PHACTR3: variants seen among roughly 807,000 people sequenced by gnomAD.
The protein encoded by PHACTR3 is protein phosphatase 1, regulatory subunit 123.
In PHACTR3, 16 loss-of-function variants were observed where a neutral mutation model predicts 66.8. That is an observed-to-expected ratio of 0.24 (90% CI 0.16 to 0.36). PHACTR3 has a LOEUF of 0.36. PHACTR3 is among the 10% of genes least tolerant of loss of function. The pLI is 1.00. For synonymous variants in PHACTR3, 323 were observed against 292.1 expected (o/e 1.11, Z -1.08); for missense variants, 647 against 719.9 (o/e 0.90, Z 1.16).
At chr20:59,628,593 G>T (rs1301256861) in intron 1 of PHACTR3, 1 of 984,888 alleles carries the variant, frequency 1.0e-6, no homozygotes, top group Admixed American at 6.2e-5. Flanking sequence ...CCCGAGTTCT[G>T]TTTGACAAAA....
intron 1 of PHACTR3, among the ~76,000 whole-genome samples, chr20:59,645,093 C>T (rs1276365332): frequency 2.6e-5 from 4 of 152,102 alleles, no homozygotes; most frequent in Admixed American, 6.6e-5. Context: ...ATTTAGCTCC[C>T]ACTCATGAGT....
chr20:59,711,541 T>C (rs2037914755), intron 1 of PHACTR3, among the ~76,000 whole-genome samples: 1 of 152,194 alleles, frequency 6.6e-6, no homozygotes, highest in East Asian at 1.9e-4. Flanking sequence ...TCATCTTAAG[T>C]TGACAATATC....
chr20:59,682,262 C>T (rs1372730914), intron 1 of PHACTR3, among the ~76,000 whole-genome samples: 1 of 152,202 alleles, frequency 6.6e-6, no homozygotes, highest in Non-Finnish European at 1.5e-5. Context: ...ATCGCTCCAA[C>T]CCAGGAGGCA....
At chr20:59,590,371 A>C (rs1473887541) in intron 1 of PHACTR3, among the ~76,000 whole-genome samples, 1 of 152,148 alleles carries the variant, frequency 6.6e-6, no homozygotes, top group African/African-American at 2.4e-5. Flanking sequence ...AGATGACAAG[A>C]ACTGGATGAG....
chr20:59,802,661 G>A (rs765382744), intron 7 of PHACTR3, among the ~76,000 whole-genome samples: 8 of 152,128 alleles, frequency 5.3e-5, no homozygotes, highest in South Asian at 2.1e-4. Flanking sequence ...AGCTGAGAGC[G>A]GTGCCACTTA....
intron 1 of PHACTR3, among the ~76,000 whole-genome samples, chr20:59,735,003 A>G (rs1026150107): frequency 1.3e-5 from 2 of 152,030 alleles, no homozygotes; most frequent in African/African-American, 4.8e-5. Context: ...CTCAGTGGTC[A>G]CTGAGTCCCC....
chr20:59,836,362 A>G (rs1325596735), intron 8 of PHACTR3, 143 bp from the exon 9 acceptor site: 4 of 662,832 alleles, frequency 6.0e-6, no homozygotes, highest in African/African-American at 1.9e-5. Context: ...AAGAGGCAAC[A>G]ACCAAAGGTT....
At chr20:59,696,600 G>A (rs550625469) in intron 1 of PHACTR3, among the ~76,000 whole-genome samples, 21 of 152,286 alleles carry the variant, frequency 1.4e-4, no homozygotes, top group African/African-American at 2.2e-4. Flanking sequence ...AACATGGGCC[G>A]TTTGTATTCC....
intron 7 of PHACTR3, among the ~76,000 whole-genome samples, chr20:59,786,033 A>G (rs995127701): frequency 1.3e-5 from 2 of 152,244 alleles, no homozygotes; most frequent in African/African-American, 4.8e-5. Flanking sequence ...GTTTGGATTC[A>G]GAGGTCAGAA....
chr20:59,769,625 G>T (rs539150702), intron 5 of PHACTR3, among the ~76,000 whole-genome samples: 2 of 152,234 alleles, frequency 1.3e-5, no homozygotes, highest in Admixed American at 1.3e-4. Flanking sequence ...CTAACCACCT[G>T]CCCCCCAGAC....
upstream of PHACTR3, among the ~76,000 whole-genome samples, chr20:59,600,038 G>A (rs2033428667): frequency 6.6e-6 from 1 of 152,186 alleles, no homozygotes; most frequent in South Asian, 2.1e-4. Flanking sequence ...CATGGTCTGG[G>A]TCATCCCCTC....
chr20:59,714,777 A>C (rs73303182), intron 1 of PHACTR3, among the ~76,000 whole-genome samples: 14,749 of 152,280 alleles, frequency 0.097, 2,244 homozygotes, highest in African/African-American at 0.32. Flanking sequence ...GGAACAAATA[A>C]AATCTTTAAA....
At chr20:59,589,452 C>T (rs780204551) in intron 1 of PHACTR3, among the ~76,000 whole-genome samples, 15 of 152,180 alleles carry the variant, frequency 9.9e-5, no homozygotes, top group Non-Finnish European at 1.8e-4. Flanking sequence ...ATCATTGCTA[C>T]GGCTGCAGAA....
intron 8 of PHACTR3, among the ~76,000 whole-genome samples, chr20:59,821,382 T>C (rs2042024856): frequency 6.6e-6 from 1 of 152,158 alleles, no homozygotes; most frequent in Non-Finnish European, 1.5e-5. Flanking sequence ...TGATCCTCCA[T>C]GGTCCAGGGT....
chr20:59,619,145 C>T (rs530750365), intron 1 of PHACTR3, among the ~76,000 whole-genome samples: 1 of 152,284 alleles, frequency 6.6e-6, no homozygotes, highest in Non-Finnish European at 1.5e-5. Context: ...GTATAGCCCC[C>T]TCCCCTGAGT....
chr20:59,654,241 T>G (rs964836271), intron 1 of PHACTR3, among the ~76,000 whole-genome samples: 4 of 152,230 alleles, frequency 2.6e-5, no homozygotes, highest in Non-Finnish European at 2.9e-5. Context: ...AGAAACAAGC[T>G]TTTATTCTGC....
At chr20:59,657,920 A>T (rs578121617) in intron 1 of PHACTR3, among the ~76,000 whole-genome samples, 23 of 152,156 alleles carry the variant, frequency 1.5e-4, no homozygotes, top group African/African-American at 5.1e-4. Flanking sequence ...CTCTTCTCTT[A>T]TTCTGGTACT....
intron 1 of PHACTR3, among the ~76,000 whole-genome samples, chr20:59,685,578 T>C (rs1226288459): frequency 2.0e-5 from 3 of 152,170 alleles, no homozygotes; most frequent in African/African-American, 7.2e-5. Context: ...CCGTTGCCAT[T>C]TTCCTGTTGA....
chr20:59,829,367 G>A lies in PHACTR3; in HGVS notation c.1329-7138G>A, dbSNP rs753801431. On this transcript the variant is annotated intron_variant, in intron 8 of 12. Transcript: ENST00000371015. This position sits in a 1 kb window ranked among gnomAD's most constrained non-coding sequence, Gnocchi z 4.2. ...GCCCATCCCAGGTCTTTCCCTGGGC[G>A]GTTTCTTTCATCATCCAGGCCTCAT... 5.3e-5 allele frequency among the ~76,000 whole-genome samples: 8 copies of A among 152,152 alleles called. No homozygotes were observed. The highest frequency in any genetic ancestry group is 8.8e-5 in the Non-Finnish European group (6 of 68,016).
Sources: allele counts gnomAD v4.1 joint callset (sites outside exome capture counted in the v4.1 genomes callset), GRCh38; gene constraint gnomAD v4.1.1; non-coding constraint Gnocchi (gnomAD v3.1); transcripts MANE v1.5; gene names NCBI Gene and HGNC (gene_info 2026-07-23, HGNC 2026-07-21).